The following SGCZ variants were observed in gnomAD, a reference collection of about 807,000 sequenced individuals.
SGCZ encodes zeta-sarcoglycan.
A neutral mutation model predicts 41.3 loss-of-function variants in SGCZ; 40 were observed. That is an observed-to-expected ratio of 0.97 (90% CI 0.75 to 1.26). SGCZ has a LOEUF of 1.26. SGCZ is among the 50% of genes most tolerant of loss of function. SGCZ has a pLI of 0.00. For synonymous variants in SGCZ, 206 were observed against 137.5 expected (o/e 1.50, Z -3.49); for missense variants, 552 against 369.8 (o/e 1.49, Z -4.04).
At chr8:14,241,482 A>G (rs1053948341) in intron 3 of SGCZ, among the ~76,000 whole-genome samples, 1 of 148,568 alleles carries the variant, frequency 6.7e-6, no homozygotes, top group Admixed American at 6.8e-5. Flanking sequence ...TATATATAAT[A>G]TATAGCATCT....
rs537822748 is a variant in SGCZ, at chr8:15,133,705, G to A, written c.39+103880C>T. 2.0e-5 allele frequency among the ~76,000 whole-genome samples: 3 copies of A among 152,234 alleles called. No homozygotes were observed. The South Asian group carries it at 6.2e-4, about 32-fold the overall frequency. ...ATGTAATTTAACAAAAATGACAACA[G>A]TAAGACAGAACCAAAGTCTTCACAA... is the stretch of plus-strand genomic sequence containing the variant. On this transcript the variant is annotated intron_variant, in intron 1 of 7. Transcript: ENST00000382080.
intron 1 of SGCZ, among the ~76,000 whole-genome samples, chr8:14,980,713 G>C (rs146238803): frequency 1.1e-4 from 16 of 149,178 alleles, no homozygotes; most frequent in African/African-American, 4.0e-4. Context: ...AACATTATGG[G>C]GGAAACTGCC....
chr8:14,256,264 T>A (rs1307487616), intron 3 of SGCZ, among the ~76,000 whole-genome samples: 1 of 152,090 alleles, frequency 6.6e-6, no homozygotes, highest in Non-Finnish European at 1.5e-5. Flanking sequence ...CTAAGAAAGA[T>A]GTAAGAGAGG....
Position 14,825,361 on chromosome 8 carries a change from A to G in SGCZ, c.40-270435T>C, listed in dbSNP as rs187059069. 3.3e-5 allele frequency among the ~76,000 whole-genome samples: 5 copies of G among 152,268 alleles called. No individual in the cohort carries two copies. The East Asian group carries it at 9.7e-4, about 29-fold the overall frequency. The stretch of plus-strand genomic sequence containing the variant: ...CTAATAGAATCTTTACAATTTTTTA[A>G]TACATGTGCTTAGATTTATAGTAAT... On this transcript the variant is annotated intron_variant, in intron 1 of 7. Coordinates refer to ENST00000382080, the MANE Select transcript of SGCZ (RefSeq NM_139167.4).
chr8:14,320,632 G>A (rs942947226), intron 3 of SGCZ, among the ~76,000 whole-genome samples: 1 of 151,982 alleles, frequency 6.6e-6, no homozygotes, highest in African/African-American at 2.4e-5. Flanking sequence ...GGGACATGAT[G>A]GGAAAAGCAG....
intron 1 of SGCZ, among the ~76,000 whole-genome samples, chr8:14,993,549 G>A (rs1285131569): frequency 6.6e-6 from 1 of 152,158 alleles, no homozygotes; most frequent in Non-Finnish European, 1.5e-5. Context: ...AAATTCTTGG[G>A]CTGAAAGAGG....
At chr8:14,581,676 C>T (rs1416468509) in intron 1 of SGCZ, among the ~76,000 whole-genome samples, 8 of 152,148 alleles carry the variant, frequency 5.3e-5, no homozygotes, top group Non-Finnish European at 7.4e-5. Context: ...CTATTCTTCT[C>T]TAAGAACAAA....
intron 1 of SGCZ, among the ~76,000 whole-genome samples, chr8:14,831,855 A>ACATACAT (rs1563301100): frequency 9.2e-5 from 1 of 10,826 alleles, no homozygotes; most frequent in African/African-American, 2.4e-4. Context: ...CATGTATATA[A>ACATACAT]GTATGTATAT....
chr8:14,609,334 T>G (rs1418255516), intron 1 of SGCZ, among the ~76,000 whole-genome samples: 1 of 152,202 alleles, frequency 6.6e-6, no homozygotes, highest in African/African-American at 2.4e-5. Flanking sequence ...AGTTTCTCTG[T>G]GGAAAATTAC....
chr8:14,194,745 GA>G (rs1290327842), intron 4 of SGCZ, among the ~76,000 whole-genome samples: 2 of 151,890 alleles, frequency 1.3e-5, no homozygotes, highest in Non-Finnish European at 2.9e-5. Flanking sequence ...AAAAGAGGCA[GA>G]AACAAATTAT....
chr8:15,170,254 A>G (rs1799788161), intron 1 of SGCZ, among the ~76,000 whole-genome samples: 1 of 152,104 alleles, frequency 6.6e-6, no homozygotes, highest in Non-Finnish European at 1.5e-5. Context: ...TTCATACATG[A>G]CTTGTCTCTT....
At chr8:14,187,633 G>A (rs1804948480) in intron 4 of SGCZ, among the ~76,000 whole-genome samples, 1 of 151,650 alleles carries the variant, frequency 6.6e-6, no homozygotes, top group Non-Finnish European at 1.5e-5. Context: ...AAGAATTAAT[G>A]ATATTAAAGA....
chr8:15,230,688 C>T (rs897137853), intron 1 of SGCZ, among the ~76,000 whole-genome samples: 1 of 152,200 alleles, frequency 6.6e-6, no homozygotes, highest in African/African-American at 2.4e-5. Context: ...TTCCATTCTT[C>T]AGTCTACAGT....
intron 1 of SGCZ, among the ~76,000 whole-genome samples, chr8:15,209,631 T>C (rs1585676822): frequency 6.6e-6 from 1 of 152,220 alleles, no homozygotes; most frequent in East Asian, 1.9e-4. Context: ...AGTGAGAAGA[T>C]TGAAGTTTAA....
In SGCZ at chr8:14,430,424, A is replaced by C. The variant is rs371371229; in HGVS notation, c.235-106220T>G. 1.5e-4 allele frequency among the ~76,000 whole-genome samples: 23 copies of C among 152,324 alleles called. No individual in the cohort carries two copies. The East Asian group carries it at 4.4e-3, about 29-fold the overall frequency. On this transcript the variant is annotated intron_variant, in intron 2 of 7. Transcript: ENST00000382080. ...GTCAATAAATGTAATACACCACATA[A>C]ACAGAATCAAAACCAAAAATGACAT...
In SGCZ at chr8:15,018,293, G is replaced by C. The variant is rs777362014; in HGVS notation, c.39+219292C>G. On this transcript the variant is annotated intron_variant, in intron 1 of 7. Transcript: ENST00000382080. Reference sequence around the variant, plus strand: ...TGTCTTCAAGATCAAAAATAAACAAGACAGCTTATTTTTAGGTGGGAAGAG... The same window carrying C: ...TGTCTTCAAGATCAAAAATAAACAACACAGCTTATTTTTAGGTGGGAAGAG... Among the ~76,000 whole-genome samples the C allele has an allele frequency of 6.6e-5, 10 of 152,162 alleles. No homozygotes were observed. In the South Asian group the frequency reaches 2.1e-3, roughly 32 times the overall value.
At chr8:15,173,223 A>C (rs943755532) in intron 1 of SGCZ, among the ~76,000 whole-genome samples, 3 of 152,252 alleles carry the variant, frequency 2.0e-5, no homozygotes, top group African/African-American at 7.2e-5. Flanking sequence ...CATGGAATTT[A>C]CCATCTTAGC....
At chr8:14,336,450 T>C (rs113499522) in intron 2 of SGCZ, among the ~76,000 whole-genome samples, 58 of 152,304 alleles carry the variant, frequency 3.8e-4, no homozygotes, top group African/African-American at 1.3e-3. Flanking sequence ...TTTGGGTATA[T>C]ACCCAGTAAT....
chr8:14,319,800 G>A (rs1801856896), intron 3 of SGCZ, among the ~76,000 whole-genome samples: 2 of 152,092 alleles, frequency 1.3e-5, no homozygotes, highest in Admixed American at 6.6e-5. Context: ...AAACTGGAGA[G>A]CAGCTAATCA....
Sources: allele counts gnomAD v4.1 joint callset (sites outside exome capture counted in the v4.1 genomes callset), GRCh38; gene constraint gnomAD v4.1.1; transcripts MANE v1.5; gene names NCBI Gene and HGNC (gene_info 2026-07-23, HGNC 2026-07-21).